Variants in NUP210L observed in about 807,000 individuals in gnomAD.
NUP210L encodes nuclear pore membrane glycoprotein 210-like.
A neutral mutation model predicts 208.5 loss-of-function variants in NUP210L; 74 were observed. The ratio of observed to expected loss-of-function variants is 0.35; its 90% CI spans 0.29 to 0.43. The LOEUF (loss-of-function observed/expected upper bound fraction) is 0.43, where lower values mean the gene tolerates loss of function less well. Ranked by LOEUF, NUP210L falls within the 20% of genes least tolerant of loss-of-function variation. The pLI, the probability that NUP210L is intolerant of heterozygous loss-of-function variation, is 1.00. For missense variants in NUP210L, 1,843 were observed against 2,289.4 expected (o/e 0.81, Z 3.98); for synonymous variants, 780 against 816.9 (o/e 0.95, Z 0.77).
chr1:154,079,164 T>G (rs1026706989), intron 16 of NUP210L, among the ~76,000 whole-genome samples: 1 of 151,870 alleles, frequency 6.6e-6, no homozygotes. Context: ...GAGGCTGAGG[T>G]GGGAGGATCA....
At chr1:154,117,209 G>A (rs943344571) in intron 12 of NUP210L, among the ~76,000 whole-genome samples, 1 of 152,120 alleles carries the variant, frequency 6.6e-6, no homozygotes, top group African/African-American at 2.4e-5. Context: ...ATCATCCTAT[G>A]AGGAAACAAA....
At chr1:154,050,931 AT>A (rs1653453845) in intron 25 of NUP210L, among the ~76,000 whole-genome samples, 2 of 152,198 alleles carry the variant, frequency 1.3e-5, no homozygotes, top group Admixed American at 1.3e-4. Flanking sequence ...TGTAGCTGTA[AT>A]TGAGGTATTG....
At chr1:154,063,119 A>G (rs1654225247) in intron 17 of NUP210L, among the ~76,000 whole-genome samples, 1 of 152,202 alleles carries the variant, frequency 6.6e-6, no homozygotes, top group Non-Finnish European at 1.5e-5. Context: ...TAGTTTAGTG[A>G]GGGGAGACTG....
At chr1:154,067,529 T>G (rs1423729051) in intron 17 of NUP210L, among the ~76,000 whole-genome samples, 2 of 152,178 alleles carry the variant, frequency 1.3e-5, no homozygotes, top group Non-Finnish European at 2.9e-5. Context: ...CTTTGAAAAC[T>G]GGCACAAGAC....
At chr1:154,139,689 A>AG in intron 5 of NUP210L, 113 bp downstream of exon 5, 3 of 546,850 alleles carry the variant, frequency 5.5e-6, no homozygotes, top group Non-Finnish European at 9.2e-6. Context: ...CAAACAAACA[A>AG]AAAAAAAAAA....
At chr1:154,066,927 C>T (rs376298509) in intron 17 of NUP210L, among the ~76,000 whole-genome samples, 4 of 152,082 alleles carry the variant, frequency 2.6e-5, no homozygotes, top group African/African-American at 9.7e-5. Flanking sequence ...CAATAACAGG[C>T]TCTGAAATTG....
chr1:154,034,333 C>T (rs1652415038), intron 27 of NUP210L, among the ~76,000 whole-genome samples: 1 of 151,178 alleles, frequency 6.6e-6, no homozygotes, highest in Admixed American at 6.6e-5. Flanking sequence ...TGGTAGGAGA[C>T]TTTTTTCTTT....
chr1:154,029,390 A>AC (rs1557926145), intron 28 of NUP210L, among the ~76,000 whole-genome samples: 1 of 147,438 alleles, frequency 6.8e-6, no homozygotes, highest in African/African-American at 2.5e-5. Flanking sequence ...AAAAAAAAAA[A>AC]AAAAAAAAAA....
At chr1:154,031,545 C>T (rs1652221440) in intron 27 of NUP210L, among the ~76,000 whole-genome samples, 1 of 127,802 alleles carries the variant, frequency 7.8e-6, no homozygotes, top group African/African-American at 2.9e-5. Context: ...CTACGCTTTC[C>T]AGCCTCCAGT....
intron 35 of NUP210L, among the ~76,000 whole-genome samples, chr1:154,006,946 G>GTGTGTATATATATATA (rs767785200): frequency 5.5e-4 from 52 of 95,396 alleles, no homozygotes; most frequent in South Asian, 1.6e-3. Context: ...GTGTGTGTGT[G>GTGTGTATATATATATA]TATATATATA....
intron 13 of NUP210L, among the ~76,000 whole-genome samples, chr1:154,100,810 ACCC>A (rs1656432912): frequency 6.6e-6 from 1 of 151,416 alleles, no homozygotes; most frequent in Non-Finnish European, 1.5e-5. Context: ...GAGCCACCGC[ACCC>A]AGCCACAAGC....
At chr1:154,060,045 C>A (rs578225923) in intron 20 of NUP210L, among the ~76,000 whole-genome samples, 1 of 152,218 alleles carries the variant, frequency 6.6e-6, no homozygotes, top group Admixed American at 6.5e-5. Context: ...TCAAGACCAG[C>A]CTGGCCAACA....
At chr1:154,039,616 T>G (rs906061806) in intron 27 of NUP210L, among the ~76,000 whole-genome samples, 6 of 152,210 alleles carry the variant, frequency 3.9e-5, no homozygotes, top group Non-Finnish European at 5.9e-5. Flanking sequence ...CTTCAGCACT[T>G]TAAATATGTC....
intron 6 of NUP210L, 21 bp from the exon 7 acceptor site, chr1:154,135,993 A>T (rs370943724): frequency 6.5e-7 from 1 of 1,548,014 alleles, no homozygotes; most frequent in Non-Finnish European, 8.9e-7. Flanking sequence ...TGAAAGATAC[A>T]TAAATGTAAT....
At chr1:154,136,109 T>C (rs1156338423) in intron 6 of NUP210L, 137 bp from the exon 7 acceptor site, 4 of 646,468 alleles carry the variant, frequency 6.2e-6, no homozygotes, top group Non-Finnish European at 1.1e-5. Context: ...TTTTTCCTGC[T>C]ATGATGAATT....
chr1:154,027,602 A>G lies in NUP210L; in HGVS notation c.3856-5T>C, dbSNP rs1651967267. On this transcript the variant is annotated splice_polypyrimidine_tract_variant and splice_region_variant and intron_variant, in intron 28 of 39. Coordinates refer to ENST00000368559, the Ensembl canonical transcript of NUP210L. ...GAGTTGGAGTTTTTCAAACACCTATAATGAGAAAATGTTTTCCTCATTTTT... is the reference window on the plus strand; with the variant it reads ...GAGTTGGAGTTTTTCAAACACCTATGATGAGAAAATGTTTTCCTCATTTTT... 1 of 1,600,434 alleles carries G rather than the reference A, an allele frequency of 6.2e-7. No individual in the cohort carries two copies. Among genetic ancestry groups the G allele is most frequent in the Admixed American group, 1.7e-5 (1 of 59,510 alleles).
rs143693442 is a variant in NUP210L, at chr1:154,019,787, G to A, written c.4517-718C>T. Among the ~76,000 whole-genome samples the A allele has an allele frequency of 3.9e-3, 587 of 152,162 alleles. 4 individuals carry two copies. Among genetic ancestry groups the A allele is most frequent in the South Asian group, 0.016 (77 of 4,826 alleles). On this transcript the variant is annotated intron_variant, in intron 32 of 39. Coordinates refer to ENST00000368559, the Ensembl canonical transcript of NUP210L. The stretch of plus-strand genomic sequence containing the variant: ...CTAAAAATACAAAAATTAGCCAGGC[G>A]TGGTGGCGCATGCCTCTAGTTCCAG...
intron 4 of NUP210L, among the ~76,000 whole-genome samples, chr1:154,140,666 C>CAAAAAAAAAAAA (rs1434093544): frequency 1.4e-4 from 14 of 102,422 alleles, no homozygotes; most frequent in Non-Finnish European, 2.9e-4. Flanking sequence ...GACTCCATCT[C>CAAAAAAAAAAAA]AAAAAAAAAA....
At chr1:154,073,839 A>AATAAATAT (rs1654898436) in intron 16 of NUP210L, among the ~76,000 whole-genome samples, 1 of 150,726 alleles carries the variant, frequency 6.6e-6, no homozygotes, top group East Asian at 1.9e-4. Flanking sequence ...TAAATAAATA[A>AATAAATAT]ATAAATAAAT....
Sources: allele counts gnomAD v4.1 joint callset (sites outside exome capture counted in the v4.1 genomes callset), GRCh38; gene constraint gnomAD v4.1.1; transcripts MANE v1.5; gene names NCBI Gene and HGNC (gene_info 2026-07-23, HGNC 2026-07-21).